Variants in FGGY observed in about 807,000 individuals in gnomAD.
The protein encoded by FGGY is FGGY carbohydrate kinase domain containing, also known as FGGY carbohydrate kinase domain-containing protein.
FGGY carries 72 observed loss-of-function variants against 71.3 expected under a neutral mutation model. The observed-to-expected ratio is 1.01, with a 90% CI of 0.84 to 1.23. FGGY has a LOEUF of 1.23. FGGY is among the 50% of genes most tolerant of loss of function. The pLI, the probability that FGGY is intolerant of heterozygous loss-of-function variation, is 0.00. For synonymous variants in FGGY, 251 were observed against 250.3 expected (o/e 1.00, Z -0.02); for missense variants, 668 against 682.3 (o/e 0.98, Z 0.23).
At chr1:59,506,501 A>G (rs1412060708) in intron 6 of FGGY, among the ~76,000 whole-genome samples, 1 of 152,188 alleles carries the variant, frequency 6.6e-6, no homozygotes, top group Non-Finnish European at 1.5e-5. Flanking sequence ...AACATCTTTT[A>G]AAATATTATA....
chr1:59,375,300 A>G (rs900738598), intron 4 of FGGY, among the ~76,000 whole-genome samples: 3 of 151,826 alleles, frequency 2.0e-5, no homozygotes, highest in East Asian at 3.9e-4. Context: ...AACAAAAAAA[A>G]ACTGCATGGG....
chr1:59,570,246 C>A (rs1265879634), intron 8 of FGGY, among the ~76,000 whole-genome samples: 1 of 152,192 alleles, frequency 6.6e-6, no homozygotes, highest in African/African-American at 2.4e-5. Flanking sequence ...CTGCTTTAAG[C>A]TCTTTCAGAG....
At chr1:59,542,648 G>A (rs529436869) in intron 7 of FGGY, among the ~76,000 whole-genome samples, 3 of 151,718 alleles carry the variant, frequency 2.0e-5, no homozygotes, top group African/African-American at 7.3e-5. Context: ...TAGAGATGGG[G>A]TTTCTCCATG....
chr1:59,487,704 T>G (rs1348211439), intron 6 of FGGY, among the ~76,000 whole-genome samples: 4 of 152,124 alleles, frequency 2.6e-5, no homozygotes, highest in African/African-American at 9.7e-5. Flanking sequence ...CCAGAAATAC[T>G]TGATCTCTTT....
chr1:59,422,697 A>G (rs1375428686), intron 5 of FGGY, among the ~76,000 whole-genome samples: 1 of 107,834 alleles, frequency 9.3e-6, no homozygotes, highest in Non-Finnish European at 2.1e-5. Flanking sequence ...GTCTCAAAGG[A>G]AAAAAAAAAA....
At chr1:59,498,721 C>T (rs1266808727) in intron 6 of FGGY, among the ~76,000 whole-genome samples, 3 of 152,190 alleles carry the variant, frequency 2.0e-5, no homozygotes, top group African/African-American at 7.2e-5. Context: ...ATCCCCCTCC[C>T]CCACCAACTG....
At chr1:59,534,910 G>A (rs2095269836) in intron 7 of FGGY, among the ~76,000 whole-genome samples, 1 of 151,876 alleles carries the variant, frequency 6.6e-6, no homozygotes, top group Non-Finnish European at 1.5e-5. Flanking sequence ...AGACTAGGAA[G>A]AAACTGCATC....
intron 14 of FGGY, chr1:59,680,715 T>C (rs956236442): frequency 7.2e-5 from 11 of 152,212 alleles, no homozygotes; most frequent in African/African-American, 2.2e-4. Context: ...TTTCCATCCA[T>C]TGTCATTTCA....
intron 10 of FGGY, among the ~76,000 whole-genome samples, chr1:59,629,483 A>G (rs1476362579): frequency 6.6e-6 from 1 of 152,202 alleles, no homozygotes; most frequent in Non-Finnish European, 1.5e-5. Context: ...ATTAATTACA[A>G]TTACCATTGA....
At chr1:59,607,954 C>A (rs761859122) in intron 9 of FGGY, 44 bp downstream of exon 9, 39 of 1,493,058 alleles carry the variant, frequency 2.6e-5, no homozygotes, top group Non-Finnish European at 3.6e-5. Flanking sequence ...GTTTTTATGT[C>A]ATTGATTAGT....
intron 7 of FGGY, among the ~76,000 whole-genome samples, chr1:59,512,893 TTTCA>T (rs2094551945): frequency 6.6e-6 from 1 of 152,198 alleles, no homozygotes; most frequent in Non-Finnish European, 1.5e-5. Flanking sequence ...CTCTCAAGTC[TTTCA>T]TTCATGTATT....
chr1:59,607,655 T>C (rs2096636107), intron 8 of FGGY, 148 bp from the exon 9 acceptor site: 1 of 551,910 alleles, frequency 1.8e-6, no homozygotes, highest in Non-Finnish European at 3.2e-6. Flanking sequence ...AAAGGAGCCA[T>C]GGCCTTTCTT....
intron 14 of FGGY, chr1:59,680,971 G>C (rs1205685250): frequency 1.3e-5 from 2 of 152,160 alleles, no homozygotes; most frequent in Non-Finnish European, 2.9e-5. Flanking sequence ...GCTTGGTTGA[G>C]TGTCCAACAC....
intron 7 of FGGY, among the ~76,000 whole-genome samples, chr1:59,544,470 G>T (rs1355272222): frequency 6.6e-6 from 1 of 152,170 alleles, no homozygotes; most frequent in East Asian, 1.9e-4. Flanking sequence ...TGCTTCAGGG[G>T]ACAGTCAGAA....
intron 7 of FGGY, among the ~76,000 whole-genome samples, chr1:59,541,562 T>G (rs983790051): frequency 6.6e-6 from 1 of 152,192 alleles, no homozygotes; most frequent in Non-Finnish European, 1.5e-5. Flanking sequence ...CAGAACTGAC[T>G]TGGATATATT....
chr1:59,586,971 C>T (rs895084328), intron 8 of FGGY, among the ~76,000 whole-genome samples: 24 of 152,104 alleles, frequency 1.6e-4, no homozygotes, highest in African/African-American at 3.1e-4. Context: ...GCACCGTGCA[C>T]GAGCTGAAGC....
At chr1:59,631,909 AT>A (rs2096911888) in intron 10 of FGGY, among the ~76,000 whole-genome samples, 1 of 152,194 alleles carries the variant, frequency 6.6e-6, no homozygotes, top group Non-Finnish European at 1.5e-5. Context: ...TCAATCATAA[AT>A]TTTGACTCTT....
At chr1:59,586,694 T>A (rs1232881953) in intron 8 of FGGY, among the ~76,000 whole-genome samples, 2 of 152,128 alleles carry the variant, frequency 1.3e-5, no homozygotes, top group East Asian at 3.9e-4. Context: ...TGAGCAGGCT[T>A]GGGCAATTCA....
intron 7 of FGGY, among the ~76,000 whole-genome samples, chr1:59,533,516 G>A (rs1044615680): frequency 6.6e-6 from 1 of 152,142 alleles, no homozygotes; most frequent in Non-Finnish European, 1.5e-5. Flanking sequence ...AAGGAGGCCT[G>A]CCTGCCTCTG....
Sources: allele counts gnomAD v4.1 joint callset (sites outside exome capture counted in the v4.1 genomes callset), GRCh38; gene constraint gnomAD v4.1.1; transcripts MANE v1.5; gene names NCBI Gene and HGNC (gene_info 2026-07-23, HGNC 2026-07-21).